ZNF469: variants seen among roughly 807,000 people sequenced by gnomAD.
ZNF469 encodes the protein zinc finger protein 469.
Under a neutral mutation model 1.0 loss-of-function variants are expected in ZNF469, and 1 was observed. The observed-to-expected ratio is 1.00, with a 90% CI of 0.35 to 4.73. The LOEUF (loss-of-function observed/expected upper bound fraction) is 4.73, where lower values mean the gene tolerates loss of function less well. Among genes scored for constraint, ZNF469 ranks in the 30% most tolerant of loss-of-function variants. The probability of loss-of-function intolerance (pLI) is 0.16; values close to 1 mark genes in which losing one functional copy is unlikely to be tolerated. For missense variants in ZNF469, 6,100 were observed against 5,356.3 expected (o/e 1.14, Z -4.33); for synonymous variants, 2,703 against 2,363.4 (o/e 1.14, Z -4.17).
chr16:88,229,238 C>T, the ZNF469 span, among the ~76,000 whole-genome samples: 2 of 152,178 alleles, frequency 1.3e-5, no homozygotes, highest in Non-Finnish European at 2.9e-5. Flanking sequence ...ACCGGAGAGA[C>T]TCTAGTGAAG....
chr16:88,355,443 C>T, the ZNF469 span, among the ~76,000 whole-genome samples: 1 of 152,240 alleles, frequency 6.6e-6, no homozygotes, highest in Non-Finnish European at 1.5e-5. Context: ...TGTTCATCTT[C>T]CCGCTGGACC....
the ZNF469 span, chr16:88,101,077 C>T: frequency 1.1e-5 from 2 of 187,886 alleles, no homozygotes; most frequent in South Asian, 9.1e-5. Context: ...AGGGTAAGTG[C>T]AGTGTGTGGC....
the ZNF469 span, among the ~76,000 whole-genome samples, chr16:88,327,097 G>T: frequency 2.0e-5 from 3 of 152,160 alleles, no homozygotes; most frequent in Non-Finnish European, 4.4e-5. Flanking sequence ...CAGGAGAAGC[G>T]CCACTCTGGA....
chr16:88,306,681 G>A, the ZNF469 span, among the ~76,000 whole-genome samples: 1 of 152,156 alleles, frequency 6.6e-6, no homozygotes, highest in South Asian at 2.1e-4. Flanking sequence ...TCCAGGCCAG[G>A]CGTGGACAGG....
At position 88,430,077 on chromosome 16, in the gene ZNF469, G is replaced by C. The variant is rs757252816; in HGVS notation, c.2607G>C (p.Ala869=). ...EIDSSFIDVF[A]DEEPSGPRGP... ...ACAGCAGCTTCATCGACGTCTTCGC[G>C]GACGAGGAGCCTTCCGGCCCCAGAG... The change falls in exon 3 of 3, where the codon GCG becomes GCC. Residue 869 remains alanine (A), a synonymous_variant. Coordinates refer to ENST00000565624, the MANE Select transcript of ZNF469 (RefSeq NM_001367624.2). The C allele has an allele frequency of 3.7e-5, 58 of 1,550,364 alleles. No individual in the cohort carries two copies. In the East Asian group the frequency reaches 1.2e-3, roughly 31 times the overall value.
At chr16:88,300,403 C>T in the ZNF469 span, among the ~76,000 whole-genome samples, 2 of 152,120 alleles carry the variant, frequency 1.3e-5, no homozygotes. Flanking sequence ...CTCGGATATT[C>T]GATATCTTTT....
At chr16:88,164,232 T>A in the ZNF469 span, among the ~76,000 whole-genome samples, 57 of 142,110 alleles carry the variant, frequency 4.0e-4, no homozygotes, top group African/African-American at 1.5e-3. Flanking sequence ...ATGGGTGGGA[T>A]AAGTGGATGA....
chr16:88,167,931 A>G, the ZNF469 span, among the ~76,000 whole-genome samples: 1 of 152,254 alleles, frequency 6.6e-6, no homozygotes, highest in Non-Finnish European at 1.5e-5. Flanking sequence ...GATGTCAGCC[A>G]GGCGTCTTGA....
At chr16:88,106,117 C>T in the ZNF469 span, among the ~76,000 whole-genome samples, 1 of 152,238 alleles carries the variant, frequency 6.6e-6, no homozygotes, top group South Asian at 2.1e-4. Flanking sequence ...TGGCCCAGCA[C>T]AGTGTGTGTC....
rs190899189 is a variant in ZNF469, at chr16:88,424,715, G to T, written c.-191-92G>T. On this transcript the variant is annotated intron_variant, in intron 1 of 2. Coordinates refer to ENST00000565624, the MANE Select transcript of ZNF469 (RefSeq NM_001367624.2). This position sits in a 1 kb window ranked among gnomAD's most constrained non-coding sequence, Gnocchi z 4.3. ...TGAGGCCACAGCCGGCTCTGCCCAGGAGCCGCTCCCTCCCACCTGGCTTCT... is the reference window on the plus strand; with the variant it reads ...TGAGGCCACAGCCGGCTCTGCCCAGTAGCCGCTCCCTCCCACCTGGCTTCT... Among the ~76,000 whole-genome samples, 748 of 152,166 alleles carry T rather than the reference G, an allele frequency of 4.9e-3. 4 individuals carry two copies. The highest frequency in any genetic ancestry group is 0.01 in the Middle Eastern group (3 of 294).
the ZNF469 span, among the ~76,000 whole-genome samples, chr16:88,104,348 A>G: frequency 0.012 from 1,877 of 152,072 alleles, 31 homozygotes; most frequent in African/African-American, 0.039. Context: ...CTGCAGAGAG[A>G]TGTGCACCCA....
the ZNF469 span, among the ~76,000 whole-genome samples, chr16:88,185,709 G>A: frequency 7.4e-6 from 1 of 135,480 alleles, no homozygotes; most frequent in African/African-American, 2.9e-5. Context: ...ACTCACACAC[G>A]TGAATATAGT....
chr16:88,120,161 G>T, the ZNF469 span, among the ~76,000 whole-genome samples: 1 of 152,154 alleles, frequency 6.6e-6, no homozygotes, highest in East Asian at 1.9e-4. Flanking sequence ...CCAGCTTCCC[G>T]GCTTCCAGGG....
At position 88,427,624 on chromosome 16, in the gene ZNF469, G is replaced by C; in HGVS notation, c.154G>C (p.Gly52Arg). ...TRTTKGAREA[G>R]GQAQAMELPE... The stretch of plus-strand genomic sequence containing the variant: ...GACCACCAAGGGTGCCAGGGAGGCT[G>C]GCGGCCAGGCCCAGGCCATGGAGCT... Residue 52 changes from glycine to arginine, a missense_variant, in exon 3 of 3, where the codon GGC becomes CGC. Physicochemically the swap from Gly to Arg is moderately radical, Grantham distance 125. Coordinates refer to ENST00000565624, the MANE Select transcript of ZNF469 (RefSeq NM_001367624.2). 1 of 1,537,348 alleles carries C rather than the reference G, an allele frequency of 6.5e-7. No homozygotes were observed. The highest frequency in any genetic ancestry group is 8.7e-7 in the Non-Finnish European group (1 of 1,146,492).
the ZNF469 span, among the ~76,000 whole-genome samples, chr16:88,131,598 A>G: frequency 1.3e-5 from 2 of 152,318 alleles, no homozygotes; most frequent in East Asian, 3.9e-4. Context: ...CCATTTCTGA[A>G]AACAATACCG....
At chr16:88,352,993 G>T in the ZNF469 span, among the ~76,000 whole-genome samples, 3 of 152,152 alleles carry the variant, frequency 2.0e-5, no homozygotes, top group African/African-American at 7.2e-5. Context: ...TGGTTCTCAG[G>T]CCCAGCAAGT....
the ZNF469 span, among the ~76,000 whole-genome samples, chr16:88,269,000 G>A: frequency 6.6e-6 from 1 of 152,204 alleles, no homozygotes; most frequent in African/African-American, 2.4e-5. Flanking sequence ...GCTGCCGGGA[G>A]GAGAGATGGT....
At chr16:88,286,787 T>A in the ZNF469 span, among the ~76,000 whole-genome samples, 1 of 152,246 alleles carries the variant, frequency 6.6e-6, no homozygotes, top group African/African-American at 2.4e-5. Flanking sequence ...GATACTGCCC[T>A]GTGGCCCTGT....
chr16:88,104,200 C>A, the ZNF469 span, among the ~76,000 whole-genome samples: 1 of 149,394 alleles, frequency 6.7e-6, no homozygotes, highest in South Asian at 2.1e-4. Flanking sequence ...GCCTTGCCTG[C>A]ACCAGGACTG....
Sources: allele counts gnomAD v4.1 joint callset (sites outside exome capture counted in the v4.1 genomes callset), GRCh38; gene constraint gnomAD v4.1.1; non-coding constraint Gnocchi (gnomAD v3.1); transcripts MANE v1.5; gene names NCBI Gene and HGNC (gene_info 2026-07-23, HGNC 2026-07-21).